The following TMEM117 variants were observed in gnomAD, a reference collection of about 807,000 sequenced individuals.
TMEM117 encodes the protein transmembrane protein 117.
Under a neutral mutation model 52.4 loss-of-function variants are expected in TMEM117, and 27 were observed. The observed-to-expected ratio is 0.51, with a 90% CI of 0.38 to 0.71. The LOEUF is 0.71. TMEM117 is among the 30% of genes least tolerant of loss of function. The pLI is 0.00. For missense variants in TMEM117, 556 were observed against 630.5 expected (o/e 0.88, Z 1.26); for synonymous variants, 215 against 206.3 (o/e 1.04, Z -0.36).
intron 3 of TMEM117, among the ~76,000 whole-genome samples, chr12:44,040,954 CA>C (rs1251872569): frequency 6.6e-6 from 1 of 151,600 alleles, no homozygotes. Context: ...TGTCAAAATG[CA>C]AAAAGCAATG....
intron 3 of TMEM117, among the ~76,000 whole-genome samples, chr12:44,117,732 A>G (rs1383404032): frequency 6.6e-6 from 1 of 151,474 alleles, no homozygotes; most frequent in African/African-American, 2.4e-5. Flanking sequence ...TGACCTGGAA[A>G]CCATCTGTGT....
chr12:43,920,680 G>A (rs1185038881), intron 2 of TMEM117, among the ~76,000 whole-genome samples: 1 of 150,472 alleles, frequency 6.6e-6, no homozygotes, highest in Non-Finnish European at 1.5e-5. Context: ...TCAGCCTCCT[G>A]AGTAGCTGGC....
chr12:44,185,121 A>G (rs1949259498), intron 4 of TMEM117, among the ~76,000 whole-genome samples: 1 of 152,130 alleles, frequency 6.6e-6, no homozygotes, highest in African/African-American at 2.4e-5. Context: ...GAATTTATAT[A>G]CAGGTAATCA....
intron 3 of TMEM117, among the ~76,000 whole-genome samples, chr12:44,114,910 T>A (rs1948110976): frequency 6.6e-6 from 1 of 152,246 alleles, no homozygotes; most frequent in Non-Finnish European, 1.5e-5. Flanking sequence ...GAAAATCAGA[T>A]ACAGGCTATG....
chr12:43,967,882 T>C (rs1409922086), intron 3 of TMEM117, among the ~76,000 whole-genome samples: 1 of 152,230 alleles, frequency 6.6e-6, no homozygotes, highest in Non-Finnish European at 1.5e-5. Flanking sequence ...CACAGAAACA[T>C]GCGTGTGCGT....
chr12:44,336,905 A>T (rs1012776911), intron 6 of TMEM117, among the ~76,000 whole-genome samples: 1 of 152,028 alleles, frequency 6.6e-6, no homozygotes, highest in Non-Finnish European at 1.5e-5. Context: ...AGCAATTCCT[A>T]AAAAGTAATA....
chr12:44,358,189 T>C (rs1381997210), intron 6 of TMEM117, among the ~76,000 whole-genome samples: 1 of 151,912 alleles, frequency 6.6e-6, no homozygotes, highest in Non-Finnish European at 1.5e-5. Context: ...AGGGAGGCAG[T>C]CAAAGGTTGA....
At chr12:44,091,365 A>C (rs1947668809) in intron 3 of TMEM117, among the ~76,000 whole-genome samples, 1 of 152,194 alleles carries the variant, frequency 6.6e-6, no homozygotes, top group African/African-American at 2.4e-5. Context: ...TCTTGTTGGC[A>C]GAATGATTAG....
intron 5 of TMEM117, among the ~76,000 whole-genome samples, chr12:44,252,198 T>C (rs1163873708): frequency 6.6e-6 from 1 of 152,148 alleles, no homozygotes; most frequent in Non-Finnish European, 1.5e-5. Flanking sequence ...TATTAAACTT[T>C]ATCCATATCC....
At chr12:44,211,711 C>T (rs928430413) in intron 5 of TMEM117, among the ~76,000 whole-genome samples, 2 of 152,132 alleles carry the variant, frequency 1.3e-5, no homozygotes, top group Admixed American at 1.3e-4. Context: ...CCTATAAATA[C>T]TAAATTGCCT....
chr12:44,044,869 A>G (rs1355012396), intron 3 of TMEM117, among the ~76,000 whole-genome samples: 1 of 152,244 alleles, frequency 6.6e-6, no homozygotes, highest in African/African-American at 2.4e-5. Context: ...GTGCAGTTAT[A>G]TACTGATTCA....
intron 5 of TMEM117, among the ~76,000 whole-genome samples, chr12:44,215,877 C>G (rs534676015): frequency 1.3e-5 from 2 of 152,156 alleles, no homozygotes; most frequent in South Asian, 4.1e-4. Flanking sequence ...TTTCTCCCCC[C>G]TCTGATTACA....
chr12:44,233,086 C>T (rs188384362), intron 5 of TMEM117, among the ~76,000 whole-genome samples: 1 of 151,238 alleles, frequency 6.6e-6, no homozygotes, highest in Non-Finnish European at 1.5e-5. Context: ...TTTGTTTTCA[C>T]TGTTTTCAGT....
chr12:44,211,366 A>C lies in TMEM117; in HGVS notation c.587A>C (p.Asn196Thr). ...GCAAGAGCTTTCTGGAAGAAAGGAA[A>C]TGTTAGGATCACTTTATTCTGGTAG... ...KSARAFWKKG[N>T]VRITLFWTVL... Residue 196 changes from asparagine (N) to threonine (T), a missense_variant, in exon 5 of 8, where the codon AAT becomes ACT. Coordinates refer to ENST00000266534, the MANE Select transcript of TMEM117 (RefSeq NM_032256.3). 6.2e-7 allele frequency: 1 copy of C among 1,611,248 alleles called. No individual in the cohort carries two copies. The highest frequency in any genetic ancestry group is 8.5e-7 in the Non-Finnish European group (1 of 1,178,402).
At chr12:43,926,842 A>G (rs1944787199) in intron 2 of TMEM117, among the ~76,000 whole-genome samples, 1 of 152,038 alleles carries the variant, frequency 6.6e-6, no homozygotes, top group Non-Finnish European at 1.5e-5. Context: ...TCAGTCTAGT[A>G]AGAGATTTGT....
chr12:43,884,401 C>T (rs1258124592), intron 2 of TMEM117, among the ~76,000 whole-genome samples: 1 of 151,900 alleles, frequency 6.6e-6, no homozygotes, highest in Non-Finnish European at 1.5e-5. Flanking sequence ...ACTCATTTTC[C>T]CAAAAAGGCT....
At chr12:44,022,361 T>C (rs1408587537) in intron 3 of TMEM117, among the ~76,000 whole-genome samples, 1 of 152,164 alleles carries the variant, frequency 6.6e-6, no homozygotes, top group Non-Finnish European at 1.5e-5. Context: ...GAGAGTGAAC[T>C]CTCCTTTGAA....
In TMEM117 at chr12:44,161,290, G is replaced by C. The variant is rs73290239; in HGVS notation, c.510+17666G>C. Among the ~76,000 whole-genome samples the C allele has an allele frequency of 6.8e-3, 1,040 of 152,160 alleles. 14 individuals carry two copies. The highest frequency in any genetic ancestry group is 0.024 in the African/African-American group (994 of 41,518). The stretch of plus-strand genomic sequence containing the variant: ...AAGATAACCTATCATATTAATAATG[G>C]AAAGAATGTTGAATTTGCATACAGT... On this transcript the variant is annotated intron_variant, in intron 4 of 7. Transcript: ENST00000266534.
chr12:43,809,028 T>C, the TMEM117 span, among the ~76,000 whole-genome samples: 27 of 152,280 alleles, frequency 1.8e-4, no homozygotes, highest in African/African-American at 6.3e-4. Context: ...TATGAAATGG[T>C]AGTTTAGGAC....
Sources: gnomAD v4.1 joint callset for allele counts (sites outside exome capture counted in the v4.1 genomes callset) on GRCh38, gnomAD v4.1.1 for gene constraint, MANE v1.5 for transcripts, NCBI Gene and HGNC (gene_info 2026-07-23, HGNC 2026-07-21) for gene names.